EIF3A: variants seen among roughly 807,000 people sequenced by gnomAD.
EIF3A encodes the protein eukaryotic translation initiation factor 3 subunit A.
In EIF3A, 21 loss-of-function variants were observed where a neutral mutation model predicts 186.6. That is an observed-to-expected ratio of 0.11 (90% CI 0.08 to 0.16). EIF3A has a LOEUF of 0.16. Among genes scored for constraint, EIF3A ranks in the 10% least tolerant of loss-of-function variants. The pLI is 1.00. For missense variants in EIF3A, 1,306 were observed against 1,796.3 expected (o/e 0.73, Z 4.93); for synonymous variants, 563 against 584.3 (o/e 0.96, Z 0.52).
intron 17 of EIF3A, among the ~76,000 whole-genome samples, chr10:119,046,466 G>A (rs1019256412): frequency 5.9e-5 from 9 of 152,158 alleles, no homozygotes; most frequent in African/African-American, 1.2e-4. Context: ...AATAATGTTC[G>A]CTAATATGGA....
rs1420211968 is a variant in EIF3A at position 119,042,304 on chromosome 10, C to A, written c.3216G>T (p.Gly1072=). 2 of 1,611,666 alleles carry A rather than the reference C, an allele frequency of 1.2e-6. No homozygotes were observed. The highest frequency in any genetic ancestry group is 2.2e-5 in the East Asian group (1 of 44,744). The change falls in exon 19 of 22, where the codon GGG becomes GGT. Residue 1072 remains glycine (G), a synonymous_variant. Coordinates refer to ENST00000369144, the MANE Select transcript of EIF3A (RefSeq NM_003750.4). The surrounding 1 kb of genome is among the most constrained non-coding windows in gnomAD (Gnocchi z 7.8). ...NADDDRGPRR[G]LDDDRGPRRG... Reference sequence around the variant, plus strand: ...GCCTGGGACCCCGATCATCATCCAACCCTCGCCTGGGACCCCGGTCATCAT... The same window carrying A: ...GCCTGGGACCCCGATCATCATCCAAACCTCGCCTGGGACCCCGGTCATCAT...
At chr10:119,078,918 C>T (rs2133426885) in intron 1 of EIF3A, among the ~76,000 whole-genome samples, 1 of 152,018 alleles carries the variant, frequency 6.6e-6, no homozygotes, top group East Asian at 1.9e-4. Context: ...AATATGTAGG[C>T]CATTATAATG....
chr10:119,038,389 G>T lies in EIF3A; in HGVS notation c.3577C>A (p.Arg1193=), dbSNP rs1343658035. 2 of 1,613,676 alleles carry T rather than the reference G, an allele frequency of 1.2e-6. No individual in the cohort carries two copies. The highest frequency in any genetic ancestry group is 2.7e-5 in the African/African-American group (2 of 74,766). Residue 1193 remains arginine (R), a synonymous_variant, in exon 20 of 22, where the codon CGA becomes AGA. Transcript: ENST00000369144. The stretch of plus-strand genomic sequence containing the variant: ...CGTTCTTCTGATGGCCTTGATTCTC[G>T]AGGTGGACCCCAGCTCTCCTCTCTG... ...KAREESWGPP[R]ESRPSEEREW...
At chr10:119,044,937 CTTTTCTTTTT>C (rs1169927966) in intron 17 of EIF3A, among the ~76,000 whole-genome samples, 1 of 66,720 alleles carries the variant, frequency 1.5e-5, no homozygotes, top group Admixed American at 2.8e-4. Context: ...TTTGAATTTT[CTTTTCTTTTT>C]TTTTTTTTTT....
At chr10:119,076,054 T>A (rs1844167009) in intron 1 of EIF3A, among the ~76,000 whole-genome samples, 1 of 149,746 alleles carries the variant, frequency 6.7e-6, no homozygotes, top group East Asian at 2.0e-4. Context: ...AGCTATCTGA[T>A]AATGGCCGGG....
At chr10:119,050,978 C>G (rs1346110462) in intron 15 of EIF3A, among the ~76,000 whole-genome samples, 1 of 152,132 alleles carries the variant, frequency 6.6e-6, no homozygotes, top group Non-Finnish European at 1.5e-5. Context: ...CTAACAAAAA[C>G]AGTAAACAAA....
At chr10:119,064,770 C>T (rs1464119480) in intron 7 of EIF3A, among the ~76,000 whole-genome samples, 1 of 152,162 alleles carries the variant, frequency 6.6e-6, no homozygotes, top group Non-Finnish European at 1.5e-5. Flanking sequence ...TGCAGCGGCA[C>T]GATCTCAGCT....
chr10:119,051,952 T>C (rs1230291701), intron 14 of EIF3A, among the ~76,000 whole-genome samples: 1 of 152,234 alleles, frequency 6.6e-6, no homozygotes, highest in Non-Finnish European at 1.5e-5. Context: ...TTTTTGCTAG[T>C]GGAGTCTTGC....
At chr10:119,039,100 GT>G (rs1848174412) in intron 19 of EIF3A, among the ~76,000 whole-genome samples, 1 of 152,060 alleles carries the variant, frequency 6.6e-6, no homozygotes, top group Admixed American at 6.6e-5. Context: ...AACTTCAAGA[GT>G]TTTCTCTGAG....
rs141443723 is a variant in EIF3A, at chr10:119,064,340, G to C, written c.1122+1059C>G. Among the ~76,000 whole-genome samples, 560 of 151,880 alleles carry C rather than the reference G, an allele frequency of 3.7e-3. 5 individuals are homozygous for C. Among genetic ancestry groups the C allele is most frequent in the African/African-American group, 0.013 (544 of 41,546 alleles). Reference sequence around the variant, plus strand: ...ACCTTCTCCCCTAGTGATGTGGTTTGGATCTGTGTACCCACCCAAATCTCA... The same window carrying C: ...ACCTTCTCCCCTAGTGATGTGGTTTCGATCTGTGTACCCACCCAAATCTCA... On this transcript the variant is annotated intron_variant, in intron 7 of 21. Coordinates refer to ENST00000369144, the MANE Select transcript of EIF3A (RefSeq NM_003750.4).
chr10:119,065,593 T>G (rs762264700), intron 6 of EIF3A, 23 bp from the exon 7 acceptor site: 1 of 1,547,248 alleles, frequency 6.5e-7, no homozygotes, highest in East Asian at 2.3e-5. Flanking sequence ...AAGTTTTAAA[T>G]CTGTTAGGTT....
At position 119,033,926 on chromosome 10, in the gene EIF3A, T is replaced by C. The variant is rs1324912640; in HGVS notation, c.*2113A>G. 1.8e-5 allele frequency: 3 copies of C among 166,718 alleles called. No homozygotes were observed. Among genetic ancestry groups the C allele is most frequent in the Non-Finnish European group, 2.9e-5 (2 of 68,084 alleles). The allele number at this position is 166,718 out of a possible 1,614,324, so 10.3% of individuals were successfully genotyped here. A position where few individuals can be genotyped will look rare whatever the true frequency, so the allele number is the denominator to read the frequency against. Reference sequence around the variant, plus strand: ...TTACATAAAAACGTCCCACACGTTATAGATGCCAGCCACCTCCTGGTAGTC... The same window carrying C: ...TTACATAAAAACGTCCCACACGTTACAGATGCCAGCCACCTCCTGGTAGTC... On this transcript the variant is annotated 3_prime_UTR_variant, in exon 22 of 22. Coordinates refer to ENST00000369144, the MANE Select transcript of EIF3A (RefSeq NM_003750.4).
chr10:119,071,864 A>G (rs1396064883), intron 4 of EIF3A, among the ~76,000 whole-genome samples: 1 of 151,734 alleles, frequency 6.6e-6, no homozygotes, highest in African/African-American at 2.4e-5. Context: ...TCTCTACTAA[A>G]AATACAAAAA....
intron 7 of EIF3A, among the ~76,000 whole-genome samples, chr10:119,064,446 C>G (rs921871344): frequency 2.0e-5 from 3 of 152,114 alleles, no homozygotes; most frequent in African/African-American, 4.8e-5. Flanking sequence ...AATGATTTAG[C>G]ACCATCCCCG....
Position 119,080,720 on chromosome 10 carries a change from G to T in EIF3A, c.-44C>A. 6.4e-7 allele frequency: 1 copy of T among 1,565,062 alleles called. No individual in the cohort carries two copies. The highest frequency in any genetic ancestry group is 8.6e-7 in the Non-Finnish European group (1 of 1,156,662). ...TCACCCGGCGTCAGCGAACTCTCTA[G>T]TGGCCCGGGCCGGGAGAGGAGACGA... On this transcript the variant is annotated 5_prime_UTR_variant, in exon 1 of 22. Transcript: ENST00000369144.
intron 14 of EIF3A, among the ~76,000 whole-genome samples, chr10:119,052,844 G>C (rs569291467): frequency 2.0e-5 from 3 of 152,282 alleles, no homozygotes; most frequent in African/African-American, 7.2e-5. Flanking sequence ...AATGGCATCT[G>C]GAATAAAGAA....
At chr10:119,041,869 G>GATACT in intron 19 of EIF3A, 125 bp downstream of exon 19, 1 of 1,052,348 alleles carries the variant, frequency 9.5e-7, no homozygotes, top group Admixed American at 2.6e-5. Flanking sequence ...CACTGCAAAT[G>GATACT]ATACTGAAGG....
Position 119,071,028 on chromosome 10 carries a change from T to C in EIF3A, c.599A>G (p.Asn200Ser), listed in dbSNP as rs769021856. 13 of 1,614,186 alleles carry C rather than the reference T, an allele frequency of 8.1e-6. No homozygotes were observed. Among genetic ancestry groups the C allele is most frequent in the East Asian group, 4.5e-5 (2 of 44,890 alleles). ...AATCTGCGATAAGTGCATTCTCAAA[T>C]TGTCACACAGTTTACGGAATTCAGC... ...RKAEFRKLCD[N>S]LRMHLSQIQR... Residue 200 changes from asparagine (N) to serine (S), a missense_variant, in exon 5 of 22, where the codon AAT (asparagine) becomes AGT (serine). By Grantham distance (46) the Asn-to-Ser change is conservative (BLOSUM62 1). Around this residue, in one of 8 missense-constraint regions of EIF3A, gnomAD observed 130 missense variants for 259.3 expected, o/e 0.50. Transcript: ENST00000369144.
intron 4 of EIF3A, among the ~76,000 whole-genome samples, chr10:119,072,207 TA>T (rs1243808164): frequency 0.028 from 2,270 of 82,448 alleles, 38 homozygotes; most frequent in African/African-American, 0.075. Context: ...AAAAATAAAT[TA>T]AAAAAAAAAA....
Sources: allele counts gnomAD v4.1 joint callset (sites outside exome capture counted in the v4.1 genomes callset), GRCh38; gene constraint gnomAD v4.1.1; regional missense constraint gnomAD v4.1.1; non-coding constraint Gnocchi (gnomAD v3.1); transcripts MANE v1.5; gene names NCBI Gene and HGNC (gene_info 2026-07-23, HGNC 2026-07-21).